The following EPCAM variants were observed in gnomAD, a reference collection of about 807,000 sequenced individuals.
EPCAM encodes the protein adenocarcinoma-associated antigen.
EPCAM carries 39 observed loss-of-function variants against 40.0 expected under a neutral mutation model. The observed-to-expected ratio is 0.98, with a 90% CI of 0.76 to 1.27. The LOEUF (loss-of-function observed/expected upper bound fraction) is 1.27. Ranked by LOEUF, EPCAM falls within the 50% of genes most tolerant of loss-of-function variation. EPCAM has a pLI of 0.00. For synonymous variants in EPCAM, 168 were observed against 132.3 expected (o/e 1.27, Z -1.85); for missense variants, 503 against 381.2 (o/e 1.32, Z -2.66).
At position 47,375,233 on chromosome 2, in the gene EPCAM, G is replaced by A. The variant is rs373597944; in HGVS notation, c.426-1G>A. The A allele has an allele frequency of 1.1e-5, 17 of 1,603,194 alleles. No homozygotes were observed. The highest frequency in any genetic ancestry group is 2.2e-5 in the East Asian group (1 of 44,778). ...ACTGACATTGTCTTTTTACTTTATAGCTGGATCATCATTGAACTAAAACAC... is the reference window on the plus strand; with the variant it reads ...ACTGACATTGTCTTTTTACTTTATAACTGGATCATCATTGAACTAAAACAC... On this transcript the variant is annotated splice_acceptor_variant, in intron 3 of 8. Transcript: ENST00000263735. LOFTEE classifies it high-confidence loss of function.
chr2:47,371,672 C>G (rs1401333901), intron 1 of EPCAM, among the ~76,000 whole-genome samples: 2 of 152,204 alleles, frequency 1.3e-5, no homozygotes, highest in Non-Finnish European at 2.9e-5. Context: ...CCTGACTGGT[C>G]TGATTTAAAT....
At chr2:47,375,390 T>C in intron 4 of EPCAM, 91 bp downstream of exon 4, 1 of 838,462 alleles carries the variant, frequency 1.2e-6, no homozygotes, top group South Asian at 1.4e-5. Context: ...CTAAATGCTT[T>C]TTTATATTTC....
In EPCAM at chr2:47,379,888, C is replaced by A. The variant is rs1671537300; in HGVS notation, c.777C>A (p.Phe259Leu). 3 of 1,614,148 alleles carry A rather than the reference C, an allele frequency of 1.9e-6. No homozygotes were observed. The highest frequency in any genetic ancestry group is 4.5e-5 in the East Asian group (2 of 44,880). Residue 259 changes from phenylalanine to leucine, a missense_variant, in exon 7 of 9, where the codon TTC becomes TTA. Physicochemically the swap from Phe to Leu is conservative, Grantham distance 22. Transcript: ENST00000263735. The stretch of plus-strand genomic sequence containing the variant: ...ATGTTGATGAAAAAGCACCTGAATT[C>A]TCAATGCAGGGTCTAAAAGCTGGTG... Reference protein sequence around the residue: ...IYYVDEKAPEFSMQGLKAGVI... With the variant: ...IYYVDEKAPELSMQGLKAGVI...
At chr2:47,374,991 C>G (rs187709229) in intron 3 of EPCAM, among the ~76,000 whole-genome samples, 83 of 152,250 alleles carry the variant, frequency 5.5e-4, no homozygotes, top group African/African-American at 1.9e-3. Context: ...GCCAGCTAAA[C>G]TTTGACTTAA....
chr2:47,376,419 G>A (rs540406982), intron 4 of EPCAM, among the ~76,000 whole-genome samples: 2 of 152,014 alleles, frequency 1.3e-5, no homozygotes, highest in Admixed American at 6.6e-5. Flanking sequence ...ACCATGCCTG[G>A]CTAATTTTTT....
At chr2:47,382,280 A>G (rs1671615045) in intron 7 of EPCAM, among the ~76,000 whole-genome samples, 1 of 152,248 alleles carries the variant, frequency 6.6e-6, no homozygotes, top group Non-Finnish European at 1.5e-5. Context: ...GAAATTTCAG[A>G]TGGCAAATGA....
intron 1 of EPCAM, among the ~76,000 whole-genome samples, chr2:47,371,662 C>T (rs113981554): frequency 2.0e-5 from 3 of 152,304 alleles, no homozygotes; most frequent in African/African-American, 2.4e-5. Context: ...AAAGTCTGCA[C>T]CTGACTGGTC....
chr2:47,371,599 C>G (rs762764837), intron 1 of EPCAM, among the ~76,000 whole-genome samples: 1 of 152,218 alleles, frequency 6.6e-6, no homozygotes, highest in South Asian at 2.1e-4. Flanking sequence ...GGACTACGTA[C>G]TTAATGTTAA....
At chr2:47,375,338 G>A (rs2103750310) in intron 4 of EPCAM, 39 bp downstream of exon 4, 1 of 1,349,558 alleles carries the variant, frequency 7.4e-7, no homozygotes, top group South Asian at 1.2e-5. Flanking sequence ...TGCACAGTTG[G>A]TGGCTCAAAT....
chr2:47,373,898 A>G lies in EPCAM; in HGVS notation c.275A>G (p.Asp92Gly). Residue 92 changes from aspartate to glycine, a missense_variant, in exon 3 of 9, where the codon GAT becomes GGT. Asp to Gly is a moderately conservative substitution (Grantham distance 94). Coordinates refer to ENST00000263735, the MANE Select transcript of EPCAM (RefSeq NM_002354.3). ...AKPEGALQNN[D>G]GLYDPDCDES... ...CCTGAAGGGGCCCTCCAGAACAATG[A>G]TGGGCTTTATGATCCTGACTGCGAT... The G allele has an allele frequency of 6.2e-7, 1 of 1,614,154 alleles. No individual in the cohort carries two copies.
intron 6 of EPCAM, among the ~76,000 whole-genome samples, 191 bp from the exon 7 acceptor site, chr2:47,379,578 C>G (rs989290527): frequency 6.6e-6 from 1 of 152,172 alleles, no homozygotes; most frequent in Admixed American, 6.5e-5. Context: ...ACTACTCTTT[C>G]TACTTTCGTG....
chr2:47,377,202 G>T, intron 5 of EPCAM, 125 bp downstream of exon 5: 1 of 749,650 alleles, frequency 1.3e-6, no homozygotes, highest in Non-Finnish European at 2.4e-6. Flanking sequence ...TTCGGATCTG[G>T]GTACTTAATG....
rs2103745990 is a variant in EPCAM, at chr2:47,373,563, C to T, written c.177C>T (p.Cys59=). 6.2e-7 allele frequency: 1 copy of T among 1,608,210 alleles called. No homozygotes were observed. ...TTGGTGCACAAAATACTGTCATTTG[C>T]TCAAAGCGTGAGTAAAATATCCTAA... ...TSVGAQNTVI[C]SKLAAKCLVM... The change falls in exon 2 of 9, where the codon TGC becomes TGT. Residue 59 remains cysteine (C), a synonymous_variant. Transcript: ENST00000263735.
At position 47,373,519 on chromosome 2, in the gene EPCAM, C is replaced by T. The variant is rs878854485; in HGVS notation, c.133C>T (p.Gln45Ter). The change falls in exon 2 of 9, where the codon CAA (glutamine) becomes TAA (stop). Residue 45 changes from glutamine (Q) to a stop codon, truncating the protein, a stop_gained. Coordinates refer to ENST00000263735, the MANE Select transcript of EPCAM (RefSeq NM_002354.3). LOFTEE classifies it high-confidence loss of function. ...AAACTGCTTTGTGAATAATAATCGT[C>T]AATGCCAGTGTACTTCAGTTGGTGC... The part of the protein sequence containing the change: ...AVNCFVNNNR[Q>*]CQCTSVGAQN... 1 of 1,613,800 alleles carries T rather than the reference C, an allele frequency of 6.2e-7. No individual in the cohort carries two copies.
At chr2:47,379,735 A>T in intron 6 of EPCAM, 34 bp from the exon 7 acceptor site, 1 of 1,609,598 alleles carries the variant, frequency 6.2e-7, no homozygotes, top group Admixed American at 1.7e-5. Context: ...GTTTCCTTAA[A>T]TATTTTTAAT....
chr2:47,384,082 T>G (rs994339402), intron 7 of EPCAM, among the ~76,000 whole-genome samples: 1 of 151,986 alleles, frequency 6.6e-6, no homozygotes, highest in Non-Finnish European at 1.5e-5. Context: ...TTTTTTTGTT[T>G]AGTAGTGAAA....
At chr2:47,370,054 G>T (rs930799755) in intron 1 of EPCAM, among the ~76,000 whole-genome samples, 1 of 152,230 alleles carries the variant, frequency 6.6e-6, no homozygotes, top group African/African-American at 2.4e-5. Context: ...ACAGGCGCCC[G>T]CAGGGAGGCC....
At position 47,381,270 on chromosome 2, in the gene EPCAM, C is replaced by G. The variant is rs558048050; in HGVS notation, c.858+1301C>G. 4.0e-5 allele frequency among the ~76,000 whole-genome samples: 6 copies of G among 151,102 alleles called. No homozygotes were observed. The East Asian group carries it at 1.2e-3, about 30-fold the overall frequency. ...AATTATCCGGGCATGGTGTCTCATG[C>G]CTGTAATCCCAGCTACTCAGGAGGC... On this transcript the variant is annotated intron_variant, in intron 7 of 8. Coordinates refer to ENST00000263735, the MANE Select transcript of EPCAM (RefSeq NM_002354.3).
intron 6 of EPCAM, among the ~76,000 whole-genome samples, chr2:47,379,260 C>G (rs1671511103): frequency 6.6e-6 from 1 of 152,140 alleles, no homozygotes; most frequent in African/African-American, 2.4e-5. Flanking sequence ...CCTAAAATAT[C>G]TCCCCTCTTT....
Sources: gnomAD v4.1 joint callset for allele counts (sites outside exome capture counted in the v4.1 genomes callset) on GRCh38, gnomAD v4.1.1 for gene constraint, MANE v1.5 for transcripts, NCBI Gene and HGNC (gene_info 2026-07-23, HGNC 2026-07-21) for gene names.